NBEA: variants seen among roughly 807,000 people sequenced by gnomAD.
NBEA encodes neurobeachin.
In NBEA, 44 loss-of-function variants were observed where a neutral mutation model predicts 343.4. The ratio of observed to expected loss-of-function variants is 0.13; its 90% confidence interval spans 0.10 to 0.16. NBEA has a LOEUF of 0.16. NBEA is among the 10% of genes least tolerant of loss of function. The pLI, the probability that NBEA is intolerant of heterozygous loss-of-function variation, is 1.00. For synonymous variants in NBEA, 1,175 were observed against 1,238.7 expected, an observed-to-expected ratio of 0.95 and a Z score of 1.08; for missense variants, 2,555 against 3,631.3, an observed-to-expected ratio of 0.70 and a Z score of 7.62.
At chr13:34,994,171 C>G (rs2060857017) in intron 1 of NBEA, among the ~76,000 whole-genome samples, 1 of 120,144 alleles carries the variant, frequency 8.3e-6, no homozygotes, top group South Asian at 2.6e-4. Context: ...GTACTCTAGC[C>G]TGGGTGACAG....
intron 38 of NBEA, among the ~76,000 whole-genome samples, chr13:35,426,503 G>C (rs1248607182): frequency 6.6e-6 from 1 of 152,174 alleles, no homozygotes; most frequent in Non-Finnish European, 1.5e-5. Context: ...TAGAGTTTCT[G>C]CCAAGAGATC....
intron 31 of NBEA, among the ~76,000 whole-genome samples, chr13:35,202,334 A>G (rs2073078852): frequency 6.6e-6 from 1 of 152,146 alleles, no homozygotes; most frequent in Non-Finnish European, 1.5e-5. Context: ...GCCCCAGGGC[A>G]TGGGGCATGT....
chr13:35,008,305 A>G (rs2061377554), intron 1 of NBEA, among the ~76,000 whole-genome samples: 2 of 152,212 alleles, frequency 1.3e-5, no homozygotes, highest in African/African-American at 4.8e-5. Flanking sequence ...CCTCCCATGG[A>G]TACCAAAATC....
chr13:35,207,635 A>T (rs1338228819), intron 31 of NBEA, among the ~76,000 whole-genome samples: 2 of 152,174 alleles, frequency 1.3e-5, no homozygotes, highest in Admixed American at 6.5e-5. Context: ...ATTTAACCTT[A>T]ACACAATGTC....
At chr13:35,023,619 CG>C (rs2061920257) in intron 1 of NBEA, among the ~76,000 whole-genome samples, 1 of 150,862 alleles carries the variant, frequency 6.6e-6, no homozygotes, top group Non-Finnish European at 1.5e-5. Context: ...GACAAAAGTA[CG>C]TACATCTGTG....
At chr13:35,242,398 CAG>C (rs2030461281) in intron 34 of NBEA, among the ~76,000 whole-genome samples, 1 of 151,710 alleles carries the variant, frequency 6.6e-6, no homozygotes, top group Non-Finnish European at 1.5e-5. Context: ...GAAGAGTGAA[CAG>C]AGCCTAAAGG....
rs141620443 is a variant in NBEA at position 35,352,555 on chromosome 13, T to G, written c.6179+232T>G. 6.0e-3 allele frequency among the ~76,000 whole-genome samples: 911 copies of G among 152,198 alleles called. 12 individuals are homozygous for G. Among genetic ancestry groups the G allele is most frequent in the African/African-American group, 0.021 (868 of 41,566 alleles). On this transcript the variant is annotated intron_variant, in intron 38 of 58. Transcript: ENST00000379939. ...AAGTTATTTCTACTTTATAATAATA[T>G]GCAACATAATACAAAATATGGTTAG... is the stretch of plus-strand genomic sequence containing the variant.
chr13:35,465,374 C>T (rs1294552876), intron 40 of NBEA, among the ~76,000 whole-genome samples: 4 of 152,070 alleles, frequency 2.6e-5, no homozygotes. Flanking sequence ...GACTTTTAAA[C>T]ACATATATTT....
intron 8 of NBEA, among the ~76,000 whole-genome samples, chr13:35,069,102 A>G (rs2063766357): frequency 6.6e-6 from 1 of 152,190 alleles, no homozygotes; most frequent in African/African-American, 2.4e-5. Flanking sequence ...TCACTATCGA[A>G]ACATTGAATA....
chr13:35,012,229 T>C (rs1420496193), intron 1 of NBEA, among the ~76,000 whole-genome samples: 1 of 152,190 alleles, frequency 6.6e-6, no homozygotes, highest in Non-Finnish European at 1.5e-5. Flanking sequence ...CAGGGCCTTC[T>C]TGCTGTGTCA....
chr13:35,577,294 G>A (rs571714248), intron 45 of NBEA, among the ~76,000 whole-genome samples: 62 of 152,266 alleles, frequency 4.1e-4, no homozygotes, highest in Admixed American at 3.3e-3. Flanking sequence ...GTCAGGTAGC[G>A]AGGTCAGCTC....
chr13:35,246,049 T>G (rs1056224407), intron 34 of NBEA, among the ~76,000 whole-genome samples: 10 of 152,280 alleles, frequency 6.6e-5, no homozygotes, highest in African/African-American at 2.4e-4. Context: ...AGCTCTAAAT[T>G]TGTTTCTTCT....
chr13:35,565,726 A>G (rs2080104564), intron 44 of NBEA, among the ~76,000 whole-genome samples: 1 of 152,136 alleles, frequency 6.6e-6, no homozygotes, highest in Non-Finnish European at 1.5e-5. Context: ...GTTTCAGTTT[A>G]TGAGGGGGGG....
intron 36 of NBEA, among the ~76,000 whole-genome samples, chr13:35,337,813 GA>G (rs1016161755): frequency 2.0e-4 from 30 of 152,116 alleles, no homozygotes; most frequent in African/African-American, 7.0e-4. Flanking sequence ...AAATCAGTAA[GA>G]GAAGGAAATT....
At chr13:35,071,463 A>G (rs931773161) in intron 10 of NBEA, among the ~76,000 whole-genome samples, 3 of 151,908 alleles carry the variant, frequency 2.0e-5, no homozygotes, top group African/African-American at 7.2e-5. Flanking sequence ...TCTTTTATTA[A>G]AAAAAACCTT....
chr13:35,607,749 CATTT>C (rs1348960624), intron 48 of NBEA, among the ~76,000 whole-genome samples: 2 of 143,964 alleles, frequency 1.4e-5, no homozygotes, highest in Admixed American at 1.4e-4. Flanking sequence ...AATTGTTCAT[CATTT>C]AAAGTAAAAA....
chr13:35,240,468 A>C (rs952396400), intron 34 of NBEA, among the ~76,000 whole-genome samples: 7 of 152,030 alleles, frequency 4.6e-5, no homozygotes, highest in South Asian at 4.1e-4. Context: ...GGTATGTATG[A>C]ATGAATGAAT....
intron 25 of NBEA, 91 bp from the exon 26 acceptor site, chr13:35,171,181 A>G: frequency 1.0e-6 from 1 of 975,852 alleles, no homozygotes; most frequent in South Asian, 1.5e-5. Context: ...AATATACTAA[A>G]TTTATGTTCA....
At chr13:35,655,793 T>A (rs1566469970) in intron 55 of NBEA, 44 bp downstream of exon 55, 1 of 1,524,000 alleles carries the variant, frequency 6.6e-7, no homozygotes, top group Admixed American at 2.0e-5. Flanking sequence ...TATAGTTTAT[T>A]TAAATATATT....
Sources: gnomAD v4.1 joint callset for allele counts (sites outside exome capture counted in the v4.1 genomes callset) on GRCh38, gnomAD v4.1.1 for gene constraint, MANE v1.5 for transcripts, NCBI Gene and HGNC (gene_info 2026-07-23, HGNC 2026-07-21) for gene names.